The following ATP13A2 variants were observed in gnomAD, a reference collection of about 807,000 sequenced individuals.
ATP13A2 encodes the protein polyamine-transporting ATPase 13A2.
A neutral mutation model predicts 138.3 loss-of-function variants in ATP13A2; 83 were observed. The ratio of observed to expected loss-of-function variants is 0.60; its 90% CI spans 0.50 to 0.72. The LOEUF (loss-of-function observed/expected upper bound fraction) is 0.72, where lower values mean the gene tolerates loss of function less well. Ranked by LOEUF, ATP13A2 falls within the 30% of genes least tolerant of loss-of-function variation. The pLI, the probability that ATP13A2 is intolerant of heterozygous loss-of-function variation, is 0.00. For missense variants in ATP13A2, 1,402 were observed against 1,606.4 expected (o/e 0.87, Z 2.17); for synonymous variants, 663 against 699.0 (o/e 0.95, Z 0.81).
chr1:16,992,179 C>G (rs781732223), intron 18 of ATP13A2, 50 bp from the exon 19 acceptor site: 4 of 1,611,430 alleles, frequency 2.5e-6, no homozygotes, highest in Non-Finnish European at 3.4e-6. Context: ...GGGACAGAGG[C>G]TGGGTACCCA....
In ATP13A2 at chr1:16,993,834, G is replaced by A. The variant is rs984178348; in HGVS notation, c.1544C>T (p.Thr515Met). The stretch of plus-strand genomic sequence containing the variant: ...TAAGCCGTCCTCAGTGAGGGTGCCC[G>A]TCTGTGGGAGACAGGTGGGTGGGGC... ...GKLQLVCFDK[T>M]GTLTEDGLDV... The change falls in exon 16 of 29, where the codon ACG (threonine) becomes ATG (methionine). Residue 515 changes from threonine (T) to methionine (M), a missense_variant and splice_region_variant. By Grantham distance (81) the Thr-to-Met change is moderately conservative. Coordinates refer to ENST00000326735, the MANE Select transcript of ATP13A2 (RefSeq NM_022089.4). The A allele has an allele frequency of 3.9e-6, 6 of 1,552,090 alleles. No homozygotes were observed. In the Admixed American group the frequency reaches 5.8e-5, roughly 15 times the overall value.
Position 17,011,776 on chromosome 1 carries a change from G to A in ATP13A2, c.-38C>T, listed in dbSNP as rs942480797. 1.5e-4 allele frequency: 214 copies of A among 1,414,188 alleles called. No individual in the cohort carries two copies. The highest frequency in any genetic ancestry group is 3.9e-4 in the Admixed American group (15 of 38,046). The allele number at this position is 1,414,188 out of a possible 1,614,324, so 87.6% of individuals were successfully genotyped here. On this transcript the variant is annotated 5_prime_UTR_variant, in exon 1 of 29. Transcript: ENST00000326735. The surrounding 1 kb of genome is among the most constrained non-coding windows in gnomAD (Gnocchi z 7.3). ...CGCTCATCGCCGGCCCCGGCGCTGC[G>A]GCCCTCGGCCTGGGCCCCGGCGTGC...
In ATP13A2 at chr1:16,997,420, GGGGT is replaced by G. The variant is rs921167781; in HGVS notation, c.1040-249_1040-246del. On this transcript the variant is annotated intron_variant, in intron 11 of 28. Transcript: ENST00000326735. The stretch of plus-strand genomic sequence containing the variant: ...GCCAGCTCCCTGGAACCAGCGGGGG[GGGGT>G]GGGTCAGACAGAGCATGTGTGGGCA... 5.2e-4 allele frequency among the ~76,000 whole-genome samples: 69 copies of G among 132,426 alleles called. 1 individual carries two copies. The highest frequency in any genetic ancestry group is 1.5e-3 in the East Asian group (5 of 3,438). 86.9% of individuals were successfully genotyped at this position (132,426 alleles called of 152,430 possible). A position where few individuals can be genotyped will look rare whatever the true frequency, so the allele number is the denominator to read the frequency against.
At chr1:16,991,654 G>A in intron 20 of ATP13A2, 80 bp downstream of exon 20, 1 of 1,608,292 alleles carries the variant, frequency 6.2e-7, no homozygotes, top group Admixed American at 1.7e-5. Flanking sequence ...GCCCCAAAAA[G>A]GAATCCCTGG....
intron 12 of ATP13A2, 116 bp from the exon 13 acceptor site, chr1:16,996,612 T>A: frequency 2.4e-6 from 2 of 836,082 alleles, no homozygotes; most frequent in Non-Finnish European, 2.0e-6. Flanking sequence ...TTTGTGAAAT[T>A]AGCCATCAGC....
chr1:17,006,223 T>C (rs925554253), intron 1 of ATP13A2, among the ~76,000 whole-genome samples: 2 of 151,462 alleles, frequency 1.3e-5, no homozygotes, highest in Admixed American at 1.3e-4. Flanking sequence ...TTTATCTGGC[T>C]CTTCTTTCCG....
In ATP13A2 at chr1:16,996,400, G is replaced by A; in HGVS notation, c.1292C>T (p.Ala431Val). The A allele has an allele frequency of 6.2e-7, 1 of 1,613,828 alleles. No homozygotes were observed. Among genetic ancestry groups the A allele is most frequent in the Non-Finnish European group, 8.5e-7 (1 of 1,179,976 alleles). Residue 431 changes from alanine (A) to valine (V), a missense_variant, in exon 13 of 29, where the codon GCC becomes GTC. Ala to Val is a moderately conservative substitution (Grantham distance 64). Coordinates refer to ENST00000326735, the MANE Select transcript of ATP13A2 (RefSeq NM_022089.4). Reference protein sequence around the residue: ...FYKHSMKFVAALSVLALLGTI... With the variant: ...FYKHSMKFVAVLSVLALLGTI... ...GGGCCACTCACCCAGGACAGAGAGGGCAGCCACAAACTTCATGCTGTGTTT... is the reference window on the plus strand; with the variant it reads ...GGGCCACTCACCCAGGACAGAGAGGACAGCCACAAACTTCATGCTGTGTTT...
intron 6 of ATP13A2, among the ~76,000 whole-genome samples, chr1:17,003,883 T>C (rs1054576315): frequency 7.2e-5 from 11 of 152,056 alleles, no homozygotes; most frequent in African/African-American, 2.7e-4. Flanking sequence ...AGGCTGATCT[T>C]GAACTCCTGA....
At position 16,986,740 on chromosome 1, in the gene ATP13A2, T is replaced by TC; in HGVS notation, c.3235+64dup. 6.4e-7 allele frequency: 1 copy of TC among 1,571,936 alleles called. No individual in the cohort carries two copies. Among genetic ancestry groups the TC allele is most frequent in the South Asian group, 1.1e-5 (1 of 87,960 alleles). ...GGCCGGCACCTCTCTCCCATCTGCC[T>TC]CCCCAGCACCCCAGGGCTCCTCCCT... On this transcript the variant is annotated intron_variant, in intron 27 of 28. Coordinates refer to ENST00000326735, the MANE Select transcript of ATP13A2 (RefSeq NM_022089.4). This position sits in a 1 kb window ranked among gnomAD's most constrained non-coding sequence, Gnocchi z 6.9.
rs150519745 is a variant in ATP13A2 at position 17,000,107 on chromosome 1, C to T, written c.943G>A (p.Gly315Arg). 62 of 1,613,352 alleles carry T rather than the reference C, an allele frequency of 3.8e-5. No homozygotes were observed. Among genetic ancestry groups the T allele is most frequent in the Non-Finnish European group, 4.7e-5 (55 of 1,179,988 alleles). ...TCCTGGGGCAGCACCAGGCAGTCTC[C>T]GGGCACTAGCTCACTGGAGTCCACC... ...EWVDSSELVP[G>R]DCLVLPQEGG... Residue 315 changes from glycine (G) to arginine (R), a missense_variant, in exon 11 of 29, where the codon GGA (glycine) becomes AGA (arginine). Transcript: ENST00000326735.
chr1:16,993,500 G>GCTCA, intron 16 of ATP13A2, 129 bp downstream of exon 16: 1 of 966,584 alleles, frequency 1.0e-6, no homozygotes, highest in Non-Finnish European at 1.5e-6. Context: ...GAGCCACTGC[G>GCTCA]CCTGGCCTAT....
At chr1:16,994,197 C>CTCTCTCTCTCTCTCTCTCATTT (rs762110883) in intron 15 of ATP13A2, among the ~76,000 whole-genome samples, 5 of 147,312 alleles carry the variant, frequency 3.4e-5, no homozygotes, top group East Asian at 2.1e-4. Flanking sequence ...CTCTCTCTCT[C>CTCTCTCTCTCTCTCTCTCATTT]ATTTATTTAT....
At chr1:16,993,558 G>A (rs1372677294) in intron 16 of ATP13A2, 71 bp downstream of exon 16, 9 of 1,406,418 alleles carry the variant, frequency 6.4e-6, no homozygotes, top group Non-Finnish European at 8.8e-6. Flanking sequence ...AAGATGGAGA[G>A]GGAAGACAGG....
At position 16,996,459 on chromosome 1, in the gene ATP13A2, G is replaced by C. The variant is rs748487085; in HGVS notation, c.1233C>G (p.Ile411Met). The change falls in exon 13 of 29, where the codon ATC becomes ATG. Residue 411 changes from isoleucine to methionine, a missense_variant. Physicochemically the swap from Ile to Met is conservative, Grantham distance 10 (BLOSUM62 1). Transcript: ENST00000326735. ...CTAKGGLVSS[I>M]LHPRPINFKF... is the part of the protein sequence containing the mutation. ...TGAAGTTGATGGGCCGGGGGTGCAA[G>C]ATGGAGCTCACCAGGCCCCCTTTTG... 2 of 1,614,142 alleles carry C rather than the reference G, an allele frequency of 1.2e-6. No homozygotes were observed. The highest frequency in any genetic ancestry group is 1.7e-6 in the Non-Finnish European group (2 of 1,180,020).
rs56275621 is a variant in ATP13A2, at chr1:16,997,049, G to A, written c.1166C>T (p.Pro389Leu). The A allele has an allele frequency of 1.4e-5, 22 of 1,612,962 alleles. No homozygotes were observed. Among genetic ancestry groups the A allele is most frequent in the Middle Eastern group, 3.7e-4 (2 of 5,382 alleles). The change falls in exon 12 of 29, where the codon CCG (proline) becomes CTG (leucine). Residue 389 changes from proline to leucine, a missense_variant. Pro to Leu is a moderately conservative substitution (Grantham distance 98). Coordinates refer to ENST00000326735, the MANE Select transcript of ATP13A2 (RefSeq NM_022089.4). ...GCGGGTCACCACTGCCAGGACGTGC[G>A]GTCCCACATAGGCCCGGGCCTGCAA... Reference protein sequence around the residue: ...LILQARAYVGPHVLAVVTRTG... With the variant: ...LILQARAYVGLHVLAVVTRTG...
chr1:17,009,463 C>A (rs1386529562), intron 1 of ATP13A2, among the ~76,000 whole-genome samples: 2 of 147,404 alleles, frequency 1.4e-5, no homozygotes, highest in South Asian at 4.3e-4. Context: ...GTGGCATGAT[C>A]CTAGCTCACT....
intron 21 of ATP13A2, 54 bp downstream of exon 21, chr1:16,990,073 C>T: frequency 6.2e-7 from 1 of 1,613,934 alleles, no homozygotes; most frequent in Non-Finnish European, 8.5e-7. Context: ...GGTCAGGTGA[C>T]ACAGGGGTGG....
At chr1:16,990,496 G>C (rs1335277297) in intron 20 of ATP13A2, among the ~76,000 whole-genome samples, 1 of 152,160 alleles carries the variant, frequency 6.6e-6, no homozygotes, top group African/African-American at 2.4e-5. Flanking sequence ...TGGAGCCGTG[G>C]GCTGGAGCTC....
At position 16,986,805 on chromosome 1, in the gene ATP13A2, C is replaced by A. The variant is rs1193589147; in HGVS notation, c.3235G>T (p.Val1079Leu). The A allele has an allele frequency of 1.2e-6, 2 of 1,613,112 alleles. No homozygotes were observed. The highest frequency in any genetic ancestry group is 1.7e-6 in the Non-Finnish European group (2 of 1,179,810). The change falls in exon 27 of 29, where the codon GTG becomes TTG. Residue 1079 changes from valine (V) to leucine (L), a missense_variant and splice_region_variant. Val to Leu is a conservative substitution (Grantham distance 32, BLOSUM62 1). Transcript: ENST00000326735. This position sits in a 1 kb window ranked among gnomAD's most constrained non-coding sequence, Gnocchi z 6.9. ...APFRRPLYTN[V>L]PFLVALALLS... ...CTCCCGCCCGCGCCCGCAGTGGCAC[C>A]ATTGGTGTAGAGCGGCCGGCGGAAG...
Sources: allele counts gnomAD v4.1 joint callset (sites outside exome capture counted in the v4.1 genomes callset), GRCh38; gene constraint gnomAD v4.1.1; non-coding constraint Gnocchi (gnomAD v3.1); transcripts MANE v1.5; gene names NCBI Gene and HGNC (gene_info 2026-07-23, HGNC 2026-07-21).